Variants in FRMD5 observed in about 807,000 individuals in gnomAD.
FRMD5 encodes FERM domain-containing protein 5.
In FRMD5, 20 loss-of-function variants were observed where a neutral mutation model predicts 69.0. The observed-to-expected ratio is 0.29, with a 90% CI of 0.20 to 0.42. The LOEUF is 0.42. Ranked by LOEUF, FRMD5 falls within the 10% of genes least tolerant of loss-of-function variation. The pLI is 1.00. For missense variants in FRMD5, 595 were observed against 708.6 expected, an observed-to-expected ratio of 0.84 and a Z score of 1.82; for synonymous variants, 271 against 260.1, an observed-to-expected ratio of 1.04 and a Z score of -0.40.
chr15:44,159,009 G>A (rs189777629), intron 1 of FRMD5, among the ~76,000 whole-genome samples: 4 of 152,276 alleles, frequency 2.6e-5, no homozygotes, highest in Admixed American at 2.0e-4. Flanking sequence ...TGAAAAGACT[G>A]GGAAAATCTT....
chr15:43,989,255 C>T lies in FRMD5; in HGVS notation c.103-64946G>A, dbSNP rs573648609. On this transcript the variant is annotated intron_variant, in intron 1 of 13. Coordinates refer to ENST00000417257, the MANE Select transcript of FRMD5 (RefSeq NM_032892.5). Reference sequence around the variant, plus strand: ...AGGGTGGTGATCTTCTGCATCCTATCGGCGATGCCAGGGTACCTGGTGGTG... The same window carrying T: ...AGGGTGGTGATCTTCTGCATCCTATTGGCGATGCCAGGGTACCTGGTGGTG... 3.4e-5 allele frequency: 27 copies of T among 791,814 alleles called. 1 individual carries two copies. The highest frequency in any genetic ancestry group is 6.8e-5 in the Admixed American group (4 of 58,560). 49.0% of individuals were successfully genotyped at this position (791,814 alleles called of 1,614,324 possible).
intron 2 of FRMD5, among the ~76,000 whole-genome samples, chr15:43,922,262 C>T (rs2089506816): frequency 6.6e-6 from 1 of 152,232 alleles, no homozygotes; most frequent in South Asian, 2.1e-4. Context: ...AGTTACTTAA[C>T]TTGTCTGAGA....
intron 1 of FRMD5, among the ~76,000 whole-genome samples, chr15:44,099,827 T>G (rs1318508614): frequency 1.3e-5 from 2 of 152,170 alleles, no homozygotes; most frequent in Non-Finnish European, 2.9e-5. Flanking sequence ...CAATCTGGAA[T>G]TAATTATAGA....
intron 1 of FRMD5, among the ~76,000 whole-genome samples, chr15:43,941,543 A>G (rs887912149): frequency 6.6e-6 from 1 of 152,208 alleles, no homozygotes; most frequent in Non-Finnish European, 1.5e-5. Context: ...GTAAGTTATC[A>G]TGGAGAGCTG....
At chr15:44,031,982 T>G (rs979592239) in intron 1 of FRMD5, among the ~76,000 whole-genome samples, 1 of 152,134 alleles carries the variant, frequency 6.6e-6, no homozygotes, top group Non-Finnish European at 1.5e-5. Context: ...CAAAACAGCA[T>G]AGTACTGGTA....
chr15:44,109,360 T>C (rs950008935), intron 1 of FRMD5, among the ~76,000 whole-genome samples: 3 of 152,218 alleles, frequency 2.0e-5, no homozygotes, highest in African/African-American at 7.2e-5. Context: ...TATAGAATTC[T>C]GGGTTGACAG....
At position 43,873,352 on chromosome 15, in the gene FRMD5, CA is replaced by C. The variant is rs2088216689; in HGVS notation, c.*532del. ...AGTTCTGGCTGGCAAAAAAAACAAA[CA>C]AAAAACTAAACAGTCCCCATTGTCC... On this transcript the variant is annotated 3_prime_UTR_variant, in exon 14 of 14. Coordinates refer to ENST00000417257, the MANE Select transcript of FRMD5 (RefSeq NM_032892.5). 2.7e-6 allele frequency: 4 copies of C among 1,472,546 alleles called. No homozygotes were observed. Among genetic ancestry groups the C allele is most frequent in the Non-Finnish European group, 3.6e-6 (4 of 1,118,344 alleles). 91.2% of individuals were successfully genotyped at this position (1,472,546 alleles called of 1,614,324 possible). A position where few individuals can be genotyped will look rare whatever the true frequency, so the allele number is the denominator to read the frequency against.
intron 1 of FRMD5, among the ~76,000 whole-genome samples, chr15:43,944,483 G>A (rs895111511): frequency 2.0e-5 from 3 of 151,052 alleles, no homozygotes; most frequent in East Asian, 1.9e-4. Flanking sequence ...GTGCAGTGGC[G>A]CAATCTCTGC....
At chr15:44,034,127 G>A (rs916206919) in intron 1 of FRMD5, among the ~76,000 whole-genome samples, 1 of 152,100 alleles carries the variant, frequency 6.6e-6, no homozygotes, top group African/African-American at 2.4e-5. Context: ...TTGTTTCCTT[G>A]GCAATAGTCT....
intron 7 of FRMD5, among the ~76,000 whole-genome samples, chr15:43,898,816 C>G (rs892014958): frequency 1.3e-5 from 2 of 152,216 alleles, no homozygotes; most frequent in Non-Finnish European, 2.9e-5. Context: ...GCAGGACAGC[C>G]TTGTCCTGCA....
At position 43,984,939 on chromosome 15, in the gene FRMD5, G is replaced by A. The variant is rs190171286; in HGVS notation, c.103-60630C>T. Among the ~76,000 whole-genome samples, 55 of 150,838 alleles carry A rather than the reference G, an allele frequency of 3.6e-4. No homozygotes were observed. The East Asian group carries it at 9.6e-3, about 26-fold the overall frequency. ...GTGGAGGTTGCAGTGAGCCGAGATC[G>A]CGCCACTGCACCCCAAACTGGGCGA... On this transcript the variant is annotated intron_variant, in intron 1 of 13. Coordinates refer to ENST00000417257, the MANE Select transcript of FRMD5 (RefSeq NM_032892.5).
chr15:43,913,046 A>G (rs938177491), intron 4 of FRMD5, among the ~76,000 whole-genome samples: 1 of 151,676 alleles, frequency 6.6e-6, no homozygotes, highest in Non-Finnish European at 1.5e-5. Context: ...AAAAAAAAAA[A>G]AAAGAAAAGA....
intron 13 of FRMD5, among the ~76,000 whole-genome samples, 192 bp from the exon 14 acceptor site, chr15:43,874,654 CT>C (rs2088276879): frequency 6.6e-6 from 1 of 152,214 alleles, no homozygotes; most frequent in Non-Finnish European, 1.5e-5. Context: ...CATCTCAGCA[CT>C]TTGGGAGGCC....
chr15:44,183,228 A>G (rs2078040501), intron 1 of FRMD5, among the ~76,000 whole-genome samples: 1 of 151,114 alleles, frequency 6.6e-6, no homozygotes, highest in African/African-American at 2.5e-5. Flanking sequence ...CATACAGAAG[A>G]TGAGACAAGA....
chr15:43,991,355 T>A (rs545068859), intron 1 of FRMD5, among the ~76,000 whole-genome samples: 1 of 152,262 alleles, frequency 6.6e-6, no homozygotes, highest in East Asian at 1.9e-4. Flanking sequence ...GGCTCTGTGA[T>A]GGGGACTGCA....
At chr15:43,989,275 G>A in intron 1 of FRMD5, 1 of 786,932 alleles carries the variant, frequency 1.3e-6, no homozygotes, top group South Asian at 1.3e-5. Context: ...AGGGTACCTG[G>A]TGGTGCCGCC....
At chr15:44,176,160 G>A (rs548417312) in intron 1 of FRMD5, among the ~76,000 whole-genome samples, 1 of 152,266 alleles carries the variant, frequency 6.6e-6, no homozygotes, top group Admixed American at 6.5e-5. Context: ...TCAAGATACT[G>A]TGGTAGTGGA....
intron 1 of FRMD5, among the ~76,000 whole-genome samples, chr15:43,968,847 A>G (rs1430156503): frequency 6.6e-6 from 1 of 152,208 alleles, no homozygotes; most frequent in Non-Finnish European, 1.5e-5. Flanking sequence ...TTAGGGAAAA[A>G]AATACCTAGA....
intron 8 of FRMD5, among the ~76,000 whole-genome samples, chr15:43,890,763 G>T (rs2088775227): frequency 6.6e-6 from 1 of 152,198 alleles, no homozygotes; most frequent in African/African-American, 2.4e-5. Flanking sequence ...CACGGCTGTT[G>T]TCCTGGGGAG....
Sources: gnomAD v4.1 joint callset for allele counts (sites outside exome capture counted in the v4.1 genomes callset) on GRCh38, gnomAD v4.1.1 for gene constraint, MANE v1.5 for transcripts, NCBI Gene and HGNC (gene_info 2026-07-23, HGNC 2026-07-21) for gene names.